Variants in SCFD2 observed in about 807,000 individuals in gnomAD.
SCFD2 encodes sec1 family domain-containing protein 2.
In SCFD2, 54 loss-of-function variants were observed where a neutral mutation model predicts 58.9. That is an observed-to-expected ratio of 0.92 (90% CI 0.74 to 1.15). The LOEUF is 1.15. SCFD2 is among the 50% of genes most tolerant of loss of function. The probability of loss-of-function intolerance (pLI) is 0.00; values close to 1 mark genes in which losing one functional copy is unlikely to be tolerated. For missense variants in SCFD2, 805 were observed against 836.6 expected (o/e 0.96, Z 0.47); for synonymous variants, 321 against 335.9 (o/e 0.96, Z 0.49).
intron 3 of SCFD2, among the ~76,000 whole-genome samples, chr4:53,295,317 T>G (rs1189042846): frequency 6.6e-6 from 1 of 152,158 alleles, no homozygotes; most frequent in Non-Finnish European, 1.5e-5. Flanking sequence ...CTGATTTCCT[T>G]GAGTCATGGT....
chr4:53,357,360 C>T (rs1294830130), intron 1 of SCFD2, among the ~76,000 whole-genome samples: 1 of 151,588 alleles, frequency 6.6e-6, no homozygotes, highest in Non-Finnish European at 1.5e-5. Flanking sequence ...ATCCAAGAGG[C>T]GGAGGTTTCA....
In SCFD2 at chr4:53,365,900, C is replaced by T; in HGVS notation, c.42G>A (p.Trp14Ter). The T allele has an allele frequency of 5.0e-6, 8 of 1,594,542 alleles. No homozygotes were observed. The highest frequency in any genetic ancestry group is 6.8e-6 in the Non-Finnish European group (8 of 1,173,580). ...GTTTCACTTTGGCCAGCACCTGCTC[C>T]CATCCTTGCTGGGTAAAGGACAGTA... The part of the protein sequence containing the change: ...SGVLSFTQQG[W>*]EQVLAKVKRA... The change falls in exon 1 of 9, where the codon TGG (tryptophan) becomes TGA (stop). Residue 14 changes from tryptophan to a stop codon, truncating the protein, a stop_gained. Coordinates refer to ENST00000401642, the MANE Select transcript of SCFD2 (RefSeq NM_152540.4). LOFTEE classifies it high-confidence loss of function. This position sits in a 1 kb window ranked among gnomAD's most constrained non-coding sequence, Gnocchi z 4.3.
At chr4:53,357,484 G>T (rs1176484780) in intron 1 of SCFD2, among the ~76,000 whole-genome samples, 2 of 151,916 alleles carry the variant, frequency 1.3e-5, no homozygotes, top group Non-Finnish European at 2.9e-5. Flanking sequence ...ACAAAAACAG[G>T]TGGATATTTT....
intron 4 of SCFD2, among the ~76,000 whole-genome samples, chr4:53,171,219 G>A (rs1371420014): frequency 6.6e-6 from 1 of 152,154 alleles, no homozygotes; most frequent in Non-Finnish European, 1.5e-5. Flanking sequence ...AGTTCTTATT[G>A]TAAAAGGATG....
At chr4:53,258,577 T>TATAC (rs757658747) in intron 4 of SCFD2, among the ~76,000 whole-genome samples, 1,445 of 120,418 alleles carry the variant, frequency 0.012, 14 homozygotes, top group African/African-American at 0.022. Flanking sequence ...TATATATATA[T>TATAC]ACACACACAT....
chr4:52,989,416 A>G (rs988946009), intron 5 of SCFD2, among the ~76,000 whole-genome samples: 1 of 152,210 alleles, frequency 6.6e-6, no homozygotes, highest in African/African-American at 2.4e-5. Context: ...TTCATACTAT[A>G]ATTTCCTTTA....
chr4:52,934,818 C>T (rs1720094932), intron 5 of SCFD2, among the ~76,000 whole-genome samples: 1 of 152,164 alleles, frequency 6.6e-6, no homozygotes. Context: ...TAGGAGGATA[C>T]AAATCAATGT....
chr4:52,946,669 T>G (rs552800461), intron 5 of SCFD2, among the ~76,000 whole-genome samples: 2 of 152,322 alleles, frequency 1.3e-5, no homozygotes, highest in South Asian at 4.1e-4. Context: ...TAAAGCCACT[T>G]ATTTTAATTT....
chr4:53,325,715 A>T (rs80269619), intron 2 of SCFD2, among the ~76,000 whole-genome samples: 2,558 of 152,342 alleles, frequency 0.017, 79 homozygotes, highest in African/African-American at 0.058. Context: ...GAGTCTTACA[A>T]GCATATATGG....
intron 5 of SCFD2, among the ~76,000 whole-genome samples, chr4:53,082,536 C>G (rs1245668156): frequency 6.6e-6 from 1 of 152,040 alleles, no homozygotes; most frequent in African/African-American, 2.4e-5. Flanking sequence ...CTACACTAGG[C>G]TAAGGGATGC....
intron 4 of SCFD2, among the ~76,000 whole-genome samples, chr4:53,155,382 C>T (rs1401365237): frequency 6.6e-6 from 1 of 152,198 alleles, no homozygotes; most frequent in Non-Finnish European, 1.5e-5. Flanking sequence ...AACCTTTCCA[C>T]CTTTCTGTAA....
chr4:53,318,273 G>A (rs1469585894), intron 2 of SCFD2, among the ~76,000 whole-genome samples: 2 of 152,104 alleles, frequency 1.3e-5, no homozygotes, highest in African/African-American at 4.8e-5. Flanking sequence ...AATGACTTTT[G>A]TTTCAGCTTA....
At chr4:52,952,210 T>TATCCCCTCTCACCTCCCC (rs1417685291) in intron 5 of SCFD2, among the ~76,000 whole-genome samples, 6 of 148,130 alleles carry the variant, frequency 4.1e-5, no homozygotes, top group African/African-American at 1.0e-4. Flanking sequence ...CTCCCTACCA[T>TATCCCCTCTCACCTCCCC]ATCCCCTCTC....
chr4:52,937,442 G>C (rs1720167426), intron 5 of SCFD2, among the ~76,000 whole-genome samples: 1 of 152,178 alleles, frequency 6.6e-6, no homozygotes, highest in East Asian at 1.9e-4. Context: ...CTGATAAGTG[G>C]ACTTACGTGG....
At chr4:53,181,852 T>C (rs1233799831) in intron 4 of SCFD2, among the ~76,000 whole-genome samples, 1 of 152,142 alleles carries the variant, frequency 6.6e-6, no homozygotes, top group Non-Finnish European at 1.5e-5. Flanking sequence ...AGCATTCTTA[T>C]ACACCAATAA....
At chr4:52,992,837 T>C (rs533925307) in intron 5 of SCFD2, among the ~76,000 whole-genome samples, 16 of 146,636 alleles carry the variant, frequency 1.1e-4, no homozygotes, top group Admixed American at 8.8e-4. Context: ...TCTGCCCGGC[T>C]GCCCCGTCTG....
chr4:52,955,004 C>T (rs1212536941), intron 5 of SCFD2, among the ~76,000 whole-genome samples: 4 of 152,162 alleles, frequency 2.6e-5, no homozygotes, highest in Non-Finnish European at 5.9e-5. Flanking sequence ...AAGCCGTCTC[C>T]CACACAGTAC....
chr4:53,297,443 G>C (rs1305686245), intron 3 of SCFD2, among the ~76,000 whole-genome samples: 2 of 151,812 alleles, frequency 1.3e-5, no homozygotes, highest in African/African-American at 4.8e-5. Flanking sequence ...CTTTGTGTCA[G>C]ACTAGAATTG....
intron 5 of SCFD2, among the ~76,000 whole-genome samples, chr4:53,143,368 C>T (rs567239956): frequency 6.6e-6 from 1 of 152,330 alleles, no homozygotes; most frequent in South Asian, 2.1e-4. Context: ...TCCCAGCACT[C>T]TTCCAAGCAC....
Sources: allele counts gnomAD v4.1 joint callset (sites outside exome capture counted in the v4.1 genomes callset), GRCh38; gene constraint gnomAD v4.1.1; non-coding constraint Gnocchi (gnomAD v3.1); transcripts MANE v1.5; gene names NCBI Gene and HGNC (gene_info 2026-07-23, HGNC 2026-07-21).